The following KALRN variants were observed in gnomAD, a reference collection of about 807,000 sequenced individuals.
KALRN encodes the protein kalirin.
A neutral mutation model predicts 353.7 loss-of-function variants in KALRN; 70 were observed. The ratio of observed to expected loss-of-function variants is 0.20; its 90% CI spans 0.16 to 0.24. KALRN has a LOEUF of 0.24. Among genes scored for constraint, KALRN ranks in the 10% least tolerant of loss-of-function variants. The pLI is 1.00. For synonymous variants in KALRN, 1,391 were observed against 1,434.8 expected (o/e 0.97, Z 0.69); for missense variants, 2,791 against 3,756.7 (o/e 0.74, Z 6.72).
At chr3:124,381,395 C>T (rs960716236) in intron 10 of KALRN, among the ~76,000 whole-genome samples, 2 of 152,104 alleles carry the variant, frequency 1.3e-5, no homozygotes, top group Non-Finnish European at 2.9e-5. Context: ...TGAAGAAGGG[C>T]ATTGCACACC....
chr3:124,105,044 T>G (rs997400180), intron 1 of KALRN, among the ~76,000 whole-genome samples: 2 of 152,178 alleles, frequency 1.3e-5, no homozygotes, highest in African/African-American at 4.8e-5. Context: ...GGTCATGTTC[T>G]TTAAAGATGA....
intron 8 of KALRN, among the ~76,000 whole-genome samples, chr3:124,330,615 G>T (rs2080451512): frequency 1.3e-5 from 2 of 152,154 alleles, no homozygotes; most frequent in Non-Finnish European, 2.9e-5. Flanking sequence ...AAAACCTCTT[G>T]ACAGTCCTCT....
intron 51 of KALRN, among the ~76,000 whole-genome samples, chr3:124,690,340 G>A (rs575160582): frequency 5.3e-5 from 8 of 152,236 alleles, no homozygotes; most frequent in South Asian, 2.1e-4. Context: ...CCTCCAGTTC[G>A]TACTCTGATT....
At chr3:124,492,613 G>C (rs942762145) in intron 31 of KALRN, 127 bp from the exon 32 acceptor site, 3 of 1,008,564 alleles carry the variant, frequency 3.0e-6, no homozygotes, top group Non-Finnish European at 4.3e-6. Flanking sequence ...TATGAAATGA[G>C]AAATAAACTC....
intron 1 of KALRN, among the ~76,000 whole-genome samples, chr3:124,198,283 ACTCATGATTTGTG>A (rs2075633822): frequency 6.6e-6 from 1 of 152,142 alleles, no homozygotes; most frequent in Admixed American, 6.5e-5. Flanking sequence ...GCACTCCATA[ACTCATGATTTGTG>A]CAACACAGTC....
chr3:124,119,912 G>A lies in KALRN; in HGVS notation c.73+86099G>A, dbSNP rs545462200. Among the ~76,000 whole-genome samples the A allele has an allele frequency of 2.0e-5, 3 of 152,238 alleles. No homozygotes were observed. In the South Asian group the frequency reaches 6.2e-4, roughly 32 times the overall value. On this transcript the variant is annotated intron_variant, in intron 1 of 59. Transcript: ENST00000682506. ...CACGGATGTCCTGATGCCATTCCTG[G>A]GCTGCTGCTTGGGTATGCTTTACCA...
chr3:124,319,077 A>AT (rs2079073932), intron 6 of KALRN, among the ~76,000 whole-genome samples: 1 of 152,042 alleles, frequency 6.6e-6, no homozygotes, highest in African/African-American at 2.4e-5. Context: ...AAATATATAT[A>AT]TTTTTTGCTG....
intron 37 of KALRN, among the ~76,000 whole-genome samples, chr3:124,647,215 A>C (rs2082873411): frequency 6.6e-6 from 1 of 151,980 alleles, no homozygotes; most frequent in South Asian, 2.1e-4. Flanking sequence ...CCAAGTCTCT[A>C]CTTCTTAATA....
intron 1 of KALRN, among the ~76,000 whole-genome samples, chr3:124,185,023 T>C (rs560401659): frequency 2.0e-5 from 3 of 152,260 alleles, no homozygotes; most frequent in Admixed American, 2.0e-4. Context: ...GTTTGTTTTG[T>C]TTTGCTTTTG....
intron 34 of KALRN, among the ~76,000 whole-genome samples, chr3:124,573,825 ACTTT>A (rs1270759226): frequency 6.6e-6 from 1 of 152,084 alleles, no homozygotes; most frequent in Non-Finnish European, 1.5e-5. Context: ...TCCTCTCATA[ACTTT>A]CTTTTGACTT....
chr3:124,572,784 T>C (rs796416699), intron 34 of KALRN, among the ~76,000 whole-genome samples: 3 of 152,276 alleles, frequency 2.0e-5, no homozygotes, highest in African/African-American at 7.2e-5. Context: ...CTGTCTGTAA[T>C]CCCAACACTT....
intron 1 of KALRN, among the ~76,000 whole-genome samples, chr3:124,131,042 T>A (rs2065217418): frequency 6.6e-6 from 1 of 152,216 alleles, no homozygotes; most frequent in African/African-American, 2.4e-5. Context: ...GTATAACATA[T>A]GCAGAAATTC....
intron 5 of KALRN, among the ~76,000 whole-genome samples, chr3:124,282,322 G>A (rs2075416639): frequency 6.6e-6 from 1 of 150,526 alleles, no homozygotes; most frequent in Non-Finnish European, 1.5e-5. Flanking sequence ...GATTATGAAG[G>A]TTACTAAAAA....
At chr3:124,287,776 T>C (rs1445817088) in intron 5 of KALRN, among the ~76,000 whole-genome samples, 17 of 2,386 alleles carry the variant, frequency 7.1e-3, no homozygotes, top group African/African-American at 0.02. Context: ...GGAAGATATA[T>C]ATATATATAT....
At chr3:124,072,991 G>A (rs1358648159) in intron 1 of KALRN, among the ~76,000 whole-genome samples, 1 of 152,130 alleles carries the variant, frequency 6.6e-6, no homozygotes, top group African/African-American at 2.4e-5. Context: ...GGCTTGTTCT[G>A]CAGACTTCCC....
rs775004208 is a variant in KALRN at position 124,234,874 on chromosome 3, G to A, written c.194G>A (p.Arg65His). Residue 65 changes from arginine to histidine, a missense_variant, in exon 3 of 60, where the codon CGC becomes CAC. Arg to His is a conservative substitution (Grantham distance 29). Around this residue, in one of 11 missense-constraint regions of KALRN, gnomAD observed 110 missense variants for 204.1 expected, o/e 0.54. Transcript: ENST00000682506. ...GGACCCATCCTGACCTTCCCTGCTC[G>A]CAGCAATCATGACAGAATAAGACAG... ...RGGPILTFPARSNHDRIRQED... is the reference protein window; with the variant it reads ...RGGPILTFPAHSNHDRIRQED... The A allele has an allele frequency of 7.5e-6, 12 of 1,609,114 alleles. No homozygotes were observed. Among genetic ancestry groups the A allele is most frequent in the African/African-American group, 4.0e-5 (3 of 74,798 alleles).
intron 51 of KALRN, chr3:124,679,739 G>GT (rs905483253): frequency 1.5e-5 from 9 of 616,938 alleles, no homozygotes; most frequent in Admixed American, 2.5e-5. Context: ...ACAAAAACTT[G>GT]TTATCTTGAA....
chr3:124,654,162 G>A (rs868133999), intron 38 of KALRN, among the ~76,000 whole-genome samples: 1 of 152,208 alleles, frequency 6.6e-6, no homozygotes. Context: ...TCTACCAGGC[G>A]GTAACTTGGG....
At chr3:124,448,456 A>G (rs888515662) in intron 21 of KALRN, among the ~76,000 whole-genome samples, 8 of 152,082 alleles carry the variant, frequency 5.3e-5, no homozygotes, top group Non-Finnish European at 7.4e-5. Context: ...TTTATTTTCA[A>G]TTATTATTTT....
Sources: gnomAD v4.1 joint callset for allele counts (sites outside exome capture counted in the v4.1 genomes callset) on GRCh38, gnomAD v4.1.1 for gene constraint, gnomAD v4.1.1 regional missense constraint, MANE v1.5 for transcripts, NCBI Gene and HGNC (gene_info 2026-07-23, HGNC 2026-07-21) for gene names.